Variants in CPSF3 observed in about 807,000 individuals in gnomAD.
The protein encoded by CPSF3 is cleavage and polyadenylation specific factor 3, also known as cleavage and polyadenylation specificity factor subunit 3.
CPSF3 carries 57 observed loss-of-function variants against 84.1 expected under a neutral mutation model. The observed-to-expected ratio is 0.68, with a 90% CI of 0.55 to 0.85. The LOEUF is 0.85. Ranked by LOEUF, CPSF3 falls within the 40% of genes least tolerant of loss-of-function variation. The pLI is 0.00. For synonymous variants in CPSF3, 275 were observed against 278.1 expected, an observed-to-expected ratio of 0.99 and a Z score of 0.11; for missense variants, 522 against 838.8, an observed-to-expected ratio of 0.62 and a Z score of 4.66.
intron 15 of CPSF3, among the ~76,000 whole-genome samples, chr2:9,460,256 C>T (rs1010508175): frequency 5.9e-5 from 9 of 151,962 alleles, no homozygotes; most frequent in Non-Finnish European, 1.0e-4. Flanking sequence ...GGTGAAACCT[C>T]GTCTCTACTA....
chr2:9,442,784 G>A (rs888351119), intron 9 of CPSF3, among the ~76,000 whole-genome samples: 14 of 151,956 alleles, frequency 9.2e-5, no homozygotes, highest in African/African-American at 2.4e-4. Context: ...AACTGGAGGC[G>A]GAGGTTGCAG....
intron 10 of CPSF3, among the ~76,000 whole-genome samples, chr2:9,444,793 G>A (rs941528675): frequency 2.6e-5 from 4 of 152,072 alleles, no homozygotes; most frequent in Middle Eastern, 3.4e-3. Context: ...AGCCTTCCGG[G>A]TAGCTGGGAT....
At chr2:9,471,492 G>A (rs779000678) in intron 17 of CPSF3, 53 bp downstream of exon 17, 5 of 1,092,166 alleles carry the variant, frequency 4.6e-6, no homozygotes, top group Non-Finnish European at 4.3e-6. Context: ...TAAAGTGAAG[G>A]CATAAATAAT....
intron 12 of CPSF3, 55 bp downstream of exon 12, chr2:9,453,076 C>A: frequency 9.4e-7 from 1 of 1,061,058 alleles, no homozygotes; most frequent in Admixed American, 2.7e-5. Context: ...GAAAGAAAAT[C>A]TATGAAAACT....
At chr2:9,439,543 A>AG (rs1194402272) in intron 7 of CPSF3, among the ~76,000 whole-genome samples, 4 of 152,028 alleles carry the variant, frequency 2.6e-5, no homozygotes, top group African/African-American at 9.7e-5. Context: ...CAAACTGCAG[A>AG]GGCACCTATT....
Position 9,457,657 on chromosome 2 carries a change from G to C in CPSF3, c.1698+630G>C, listed in dbSNP as rs150046589. 1.7e-3 allele frequency among the ~76,000 whole-genome samples: 253 copies of C among 152,302 alleles called. 3 individuals carry two copies. The highest frequency in any genetic ancestry group is 5.8e-3 in the African/African-American group (242 of 41,574). ...TCAAAGTGAGTCCTATCATTGAATA[G>C]TCCAGGGAGGTACCTTGTCTACTGC... On this transcript the variant is annotated intron_variant, in intron 14 of 17. Transcript: ENST00000238112.
At chr2:9,442,523 C>T (rs1040171129) in intron 9 of CPSF3, among the ~76,000 whole-genome samples, 1 of 152,000 alleles carries the variant, frequency 6.6e-6, no homozygotes, top group Admixed American at 6.6e-5. Flanking sequence ...TTACCTTATT[C>T]TATAAAGTTC....
chr2:9,431,771 G>T lies in CPSF3; in HGVS notation c.342-740G>T, dbSNP rs867759806. 2.9e-3 allele frequency among the ~76,000 whole-genome samples: 446 copies of T among 151,308 alleles called. 4 individuals are homozygous for T. Among genetic ancestry groups the T allele is most frequent in the African/African-American group, 9.9e-3 (410 of 41,224 alleles). On this transcript the variant is annotated intron_variant, in intron 4 of 17. Coordinates refer to ENST00000238112, the MANE Select transcript of CPSF3 (RefSeq NM_016207.4). ...TTACCATGTTGGCCAGCCTGGTCTT[G>T]AACTCCTGACCTCAGGTGATCTGTC...
chr2:9,450,838 A>G (rs1177701975), intron 11 of CPSF3, among the ~76,000 whole-genome samples: 1 of 152,220 alleles, frequency 6.6e-6, no homozygotes, highest in Non-Finnish European at 1.5e-5. Context: ...CCAAACCTGC[A>G]GACGCTAATG....
At chr2:9,470,266 G>C (rs1682118570) in intron 16 of CPSF3, among the ~76,000 whole-genome samples, 1 of 152,048 alleles carries the variant, frequency 6.6e-6, no homozygotes, top group Non-Finnish European at 1.5e-5. Context: ...TTTGTGCTAG[G>C]GTCCCACCTA....
intron 8 of CPSF3, 93 bp from the exon 9 acceptor site, chr2:9,441,725 A>C: frequency 7.9e-7 from 1 of 1,272,986 alleles, no homozygotes; most frequent in Non-Finnish European, 1.1e-6. Context: ...GATGTGATTA[A>C]TCTCTTAGCC....
chr2:9,467,385 T>A (rs1322312810), intron 15 of CPSF3, among the ~76,000 whole-genome samples: 1 of 152,136 alleles, frequency 6.6e-6, no homozygotes, highest in Admixed American at 6.5e-5. Flanking sequence ...AATGTAAAGT[T>A]TAAGAAATGT....
In CPSF3 at chr2:9,433,854, T is replaced by G. The variant is rs1210459917; in HGVS notation, c.520-17T>G. On this transcript the variant is annotated splice_polypyrimidine_tract_variant and intron_variant, in intron 5 of 17. Transcript: ENST00000238112. ...CCTTCCCCAAATCCTAACTTTCTAG[T>G]TTTATCTTTTTCACAGCTTTTGTAC... 1.3e-6 allele frequency: 2 copies of G among 1,568,636 alleles called. No individual in the cohort carries two copies. Among genetic ancestry groups the G allele is most frequent in the Non-Finnish European group, 1.7e-6 (2 of 1,145,626 alleles).
At chr2:9,427,541 ATGT>A (rs1434672669) in intron 1 of CPSF3, among the ~76,000 whole-genome samples, 3 of 152,172 alleles carry the variant, frequency 2.0e-5, no homozygotes, top group Non-Finnish European at 4.4e-5. Flanking sequence ...CAAATAAAAA[ATGT>A]TTAAAAAGTG....
intron 9 of CPSF3, among the ~76,000 whole-genome samples, chr2:9,443,261 C>T (rs139536494): frequency 2.4e-4 from 36 of 152,298 alleles, no homozygotes; most frequent in African/African-American, 8.7e-4. Context: ...TCTTTCTAAG[C>T]ATAAGAGTTA....
chr2:9,466,067 A>G (rs755611104), intron 15 of CPSF3, among the ~76,000 whole-genome samples: 3 of 152,194 alleles, frequency 2.0e-5, no homozygotes, highest in African/African-American at 4.8e-5. Context: ...CAGGCCAGAC[A>G]TGGTGGCTCA....
rs771721918 is a variant in CPSF3 at position 9,448,197 on chromosome 2, G to T, written c.1243-1G>T. 1 of 1,577,884 alleles carries T rather than the reference G, an allele frequency of 6.3e-7. No individual in the cohort carries two copies. The highest frequency in any genetic ancestry group is 1.7e-5 in the Admixed American group (1 of 58,494). On this transcript the variant is annotated splice_acceptor_variant, in intron 10 of 17. Transcript: ENST00000238112. LOFTEE classifies it high-confidence loss of function. The stretch of plus-strand genomic sequence containing the variant: ...ATTCTTTTAACATTTATTCTATGTA[G>T]ATTTTAGTCCATGGAGAACAGAATG...
intron 17 of CPSF3, 30 bp downstream of exon 17, chr2:9,471,469 G>C (rs1415963312): frequency 7.5e-7 from 1 of 1,325,646 alleles, no homozygotes; most frequent in African/African-American, 1.4e-5. Flanking sequence ...TACGTTTCAA[G>C]ACATTTGGGA....
Position 9,456,572 on chromosome 2 carries a change from C to T in CPSF3, c.1604-361C>T, listed in dbSNP as rs187852895. Reference sequence around the variant, plus strand: ...TTCCGCTGTAGAATGTTGACGCTTACGAAGACAGAAGGTAGATGAAACTAG... The same window carrying T: ...TTCCGCTGTAGAATGTTGACGCTTATGAAGACAGAAGGTAGATGAAACTAG... On this transcript the variant is annotated intron_variant, in intron 13 of 17. Transcript: ENST00000238112. Among the ~76,000 whole-genome samples the T allele has an allele frequency of 4.8e-3, 726 of 152,188 alleles. 4 individuals carry two copies. The highest frequency in any genetic ancestry group is 0.017 in the African/African-American group (686 of 41,526).
Sources: gnomAD v4.1 joint callset for allele counts (sites outside exome capture counted in the v4.1 genomes callset) on GRCh38, gnomAD v4.1.1 for gene constraint, MANE v1.5 for transcripts, NCBI Gene and HGNC (gene_info 2026-07-23, HGNC 2026-07-21) for gene names.